The following ARNT2 variants were observed in gnomAD, a reference collection of about 807,000 sequenced individuals.
The protein encoded by ARNT2 is aryl hydrocarbon receptor nuclear translocator 2.
A neutral mutation model predicts 91.7 loss-of-function variants in ARNT2; 36 were observed. The observed-to-expected ratio is 0.39, with a 90% CI of 0.30 to 0.52. The LOEUF (loss-of-function observed/expected upper bound fraction) is 0.52, where lower values mean the gene tolerates loss of function less well. Ranked by LOEUF, ARNT2 falls within the 20% of genes least tolerant of loss-of-function variation. The pLI, the probability that ARNT2 is intolerant of heterozygous loss-of-function variation, is 0.72. For synonymous variants in ARNT2, 365 were observed against 347.1 expected (o/e 1.05, Z -0.57); for missense variants, 775 against 939.3 (o/e 0.83, Z 2.29).
At chr15:80,529,255 T>C (rs529000399) in intron 8 of ARNT2, among the ~76,000 whole-genome samples, 1 of 152,332 alleles carries the variant, frequency 6.6e-6, no homozygotes, top group South Asian at 2.1e-4. Flanking sequence ...CATTTCTCCC[T>C]ATTTCAGACT....
intron 2 of ARNT2, among the ~76,000 whole-genome samples, chr15:80,455,494 C>G (rs1896468999): frequency 6.6e-6 from 1 of 152,084 alleles, no homozygotes; most frequent in Non-Finnish European, 1.5e-5. Context: ...CACAGCTGAC[C>G]TGGCCAGCGT....
chr15:80,524,874 CA>C (rs36043186), intron 8 of ARNT2, among the ~76,000 whole-genome samples: 4,595 of 89,168 alleles, frequency 0.052, 97 homozygotes, highest in African/African-American at 0.11. Flanking sequence ...GACTCTGTCT[CA>C]AAAAAAAAAA....
chr15:80,534,670 T>C (rs1329848428), intron 8 of ARNT2, among the ~76,000 whole-genome samples: 1 of 152,226 alleles, frequency 6.6e-6, no homozygotes. Context: ...TTCCTTTAAA[T>C]GGCTGCATAA....
chr15:80,458,123 C>A, intron 3 of ARNT2, 147 bp downstream of exon 3: 1 of 798,820 alleles, frequency 1.3e-6, no homozygotes, highest in Non-Finnish European at 2.0e-6. Flanking sequence ...GTATTTGGCC[C>A]AGTGGCAGCT....
chr15:80,562,157 C>T (rs1898372225), intron 11 of ARNT2, among the ~76,000 whole-genome samples: 1 of 152,010 alleles, frequency 6.6e-6, no homozygotes, highest in African/African-American at 2.4e-5. Context: ...TCACTGTAAC[C>T]TCTGCCTCCT....
intron 3 of ARNT2, among the ~76,000 whole-genome samples, chr15:80,468,505 C>CTTTGGGA (rs1274012724): frequency 2.0e-5 from 3 of 152,112 alleles, no homozygotes; most frequent in African/African-American, 2.4e-5. Context: ...TTCCCAATTC[C>CTTTGGGA]AGGCCTTTAT....
chr15:80,550,369 TC>T (rs1334856459), intron 8 of ARNT2, among the ~76,000 whole-genome samples: 62 of 152,312 alleles, frequency 4.1e-4, no homozygotes, highest in African/African-American at 1.4e-3. Flanking sequence ...CTTGTGTGAC[TC>T]TATCACTGTG....
At chr15:80,581,504 A>T in intron 17 of ARNT2, 100 bp downstream of exon 17, 1 of 1,499,432 alleles carries the variant, frequency 6.7e-7, no homozygotes, top group Non-Finnish European at 9.1e-7. Context: ...CCCAGCTACC[A>T]AAACAAGGTC....
At chr15:80,590,442 C>T (rs901826441) in intron 17 of ARNT2, among the ~76,000 whole-genome samples, 6 of 152,228 alleles carry the variant, frequency 3.9e-5, no homozygotes, top group South Asian at 2.1e-4. Flanking sequence ...AAATGTTTTT[C>T]GACAAAAAAC....
chr15:80,579,520 G>A (rs1345556569), intron 15 of ARNT2, among the ~76,000 whole-genome samples: 3 of 152,022 alleles, frequency 2.0e-5, no homozygotes, highest in Admixed American at 6.6e-5. Flanking sequence ...TTAACACGGA[G>A]CTGAAAATCT....
At chr15:80,570,834 C>T (rs1023155102) in intron 12 of ARNT2, among the ~76,000 whole-genome samples, 2 of 152,052 alleles carry the variant, frequency 1.3e-5, no homozygotes, top group African/African-American at 4.8e-5. Flanking sequence ...TCAGTCTGTC[C>T]CCGGTGCCTG....
intron 8 of ARNT2, among the ~76,000 whole-genome samples, chr15:80,544,016 C>T (rs1439636235): frequency 6.6e-6 from 1 of 152,164 alleles, no homozygotes; most frequent in Non-Finnish European, 1.5e-5. Flanking sequence ...GCTGGGATTA[C>T]AGGTGTGAGC....
In ARNT2 at chr15:80,503,235, C is replaced by T. The variant is rs535548903; in HGVS notation, c.623-4921C>T. Among the ~76,000 whole-genome samples, 93 of 152,352 alleles carry T rather than the reference C, an allele frequency of 6.1e-4. No homozygotes were observed. The Middle Eastern group carries it at 0.014, about 22-fold the overall frequency. ...TGTGGGATGGAGACTGACTGCCATT[C>T]CATGACACTGGGATTCACAACCCAG... On this transcript the variant is annotated intron_variant, in intron 5 of 18. Transcript: ENST00000303329.
At chr15:80,501,687 G>A (rs1299141168) in intron 5 of ARNT2, among the ~76,000 whole-genome samples, 3 of 152,180 alleles carry the variant, frequency 2.0e-5, no homozygotes, top group Non-Finnish European at 2.9e-5. Flanking sequence ...TCTCTGTGCC[G>A]GGAGCCTGCC....
intron 2 of ARNT2, among the ~76,000 whole-genome samples, chr15:80,452,594 C>T (rs1193249418): frequency 6.6e-6 from 1 of 152,234 alleles, no homozygotes; most frequent in Middle Eastern, 3.2e-3. Flanking sequence ...CTCTAACTCG[C>T]ATTCCCTGAG....
intron 1 of ARNT2, among the ~76,000 whole-genome samples, chr15:80,405,236 C>A (rs1437511128): frequency 2.0e-5 from 3 of 152,206 alleles, no homozygotes; most frequent in Non-Finnish European, 4.4e-5. Context: ...AGTTCTTGAT[C>A]AAGTGGCAAC....
At chr15:80,554,382 C>T (rs969013381) in intron 10 of ARNT2, among the ~76,000 whole-genome samples, 1 of 152,100 alleles carries the variant, frequency 6.6e-6, no homozygotes, top group Non-Finnish European at 1.5e-5. Flanking sequence ...GCACTCCAGC[C>T]TGGGGGACAA....
chr15:80,586,866 A>G (rs1470272886), intron 17 of ARNT2, among the ~76,000 whole-genome samples: 10 of 151,494 alleles, frequency 6.6e-5, no homozygotes, highest in Non-Finnish European at 1.2e-4. Flanking sequence ...GGAATTTATT[A>G]TTTCAAAAAT....
At position 80,552,624 on chromosome 15, in the gene ARNT2, A is replaced by C. The variant is rs752951706; in HGVS notation, c.955-16A>C. On this transcript the variant is annotated splice_polypyrimidine_tract_variant and intron_variant, in intron 9 of 18. Transcript: ENST00000303329. ...TCTGTCAACACCACCTCAACTGTGG[A>C]TTTTCCCCATCCCAGGTGACCAGCT... 2 of 1,612,852 alleles carry C rather than the reference A, an allele frequency of 1.2e-6. No homozygotes were observed. The highest frequency in any genetic ancestry group is 8.5e-7 in the Non-Finnish European group (1 of 1,179,222).
Sources: gnomAD v4.1 joint callset for allele counts (sites outside exome capture counted in the v4.1 genomes callset) on GRCh38, gnomAD v4.1.1 for gene constraint, MANE v1.5 for transcripts, NCBI Gene and HGNC (gene_info 2026-07-23, HGNC 2026-07-21) for gene names.